The following OLA1 variants were observed in gnomAD, a reference collection of about 807,000 sequenced individuals.
OLA1 encodes the protein obg-like ATPase 1.
OLA1 carries 14 observed loss-of-function variants against 48.4 expected under a neutral mutation model. That is an observed-to-expected ratio of 0.29 (90% CI 0.19 to 0.45). The LOEUF is 0.45. OLA1 is among the 20% of genes least tolerant of loss of function. The pLI is 1.00. For missense variants in OLA1, 325 were observed against 467.1 expected (o/e 0.70, Z 2.80); for synonymous variants, 127 against 150.4 (o/e 0.84, Z 1.14).
intron 7 of OLA1, among the ~76,000 whole-genome samples, chr2:174,085,739 T>G (rs576719518): frequency 6.6e-6 from 1 of 152,354 alleles, no homozygotes; most frequent in African/African-American, 2.4e-5. Flanking sequence ...TTGTTTATAT[T>G]TCTTTTCCCA....
chr2:174,241,572 G>C (rs1211784160), intron 2 of OLA1, among the ~76,000 whole-genome samples: 2 of 152,200 alleles, frequency 1.3e-5, no homozygotes, highest in African/African-American at 4.8e-5. Context: ...CAGTTTGTGA[G>C]TGTTTGAACA....
intron 4 of OLA1, among the ~76,000 whole-genome samples, chr2:174,161,517 T>G (rs746910858): frequency 2.0e-5 from 3 of 152,100 alleles, no homozygotes; most frequent in Non-Finnish European, 2.9e-5. Context: ...CGCCTATAAT[T>G]AGCCAGGTAT....
intron 4 of OLA1, among the ~76,000 whole-genome samples, chr2:174,167,896 T>C (rs1355893778): frequency 1.3e-5 from 2 of 152,166 alleles, no homozygotes; most frequent in Admixed American, 6.5e-5. Flanking sequence ...TCATTTTCAA[T>C]AATGACATAG....
intron 4 of OLA1, among the ~76,000 whole-genome samples, chr2:174,182,997 T>C (rs1384156694): frequency 1.3e-5 from 2 of 152,176 alleles, no homozygotes; most frequent in Non-Finnish European, 2.9e-5. Flanking sequence ...CCTCAGCTAA[T>C]AAAATGTTAA....
rs149583159 is a variant in OLA1, at chr2:174,170,706, G to A, written c.374-28706C>T. Among the ~76,000 whole-genome samples the A allele has an allele frequency of 2.5e-3, 375 of 152,208 alleles. 3 individuals carry two copies. The highest frequency in any genetic ancestry group is 4.0e-3 in the Non-Finnish European group (275 of 67,996). On this transcript the variant is annotated intron_variant, in intron 4 of 10. Coordinates refer to ENST00000284719, the MANE Select transcript of OLA1 (RefSeq NM_013341.5). ...TGAGGCCAGGAGTTCAAGATCAGCC[G>A]AGGCAACATAGCAAGATCCCATTTC...
chr2:174,194,765 G>A lies in OLA1; in HGVS notation c.373+28268C>T, dbSNP rs1000077388. On this transcript the variant is annotated intron_variant, in intron 4 of 10. Coordinates refer to ENST00000284719, the MANE Select transcript of OLA1 (RefSeq NM_013341.5). The stretch of plus-strand genomic sequence containing the variant: ...GAAAGAAGAGCCAATTTCTTCTTTC[G>A]ATTGCACCCTTTAGTGAAAATTAAC... 3.9e-5 allele frequency among the ~76,000 whole-genome samples: 6 copies of A among 151,972 alleles called. 1 individual carries two copies. Among genetic ancestry groups the A allele is most frequent in the African/African-American group, 1.5e-4 (6 of 41,360 alleles).
intron 4 of OLA1, among the ~76,000 whole-genome samples, chr2:174,153,935 C>A (rs1043076594): frequency 2.6e-5 from 4 of 152,146 alleles, no homozygotes; most frequent in East Asian, 1.9e-4. Context: ...GGCACAATCA[C>A]GACTCATTGC....
At chr2:174,213,687 A>T (rs1454472015) in intron 4 of OLA1, among the ~76,000 whole-genome samples, 2 of 152,206 alleles carry the variant, frequency 1.3e-5, no homozygotes, top group Non-Finnish European at 1.5e-5. Context: ...GTATGTATGA[A>T]TTTAAAAAGA....
chr2:174,128,922 T>A lies in OLA1; in HGVS notation c.550-5247A>T, dbSNP rs1324813564. On this transcript the variant is annotated intron_variant, in intron 5 of 10. Transcript: ENST00000284719. ...TATACTGCTAAGTGAGAACAGCAGGTTTAGAACAATGGAATATGGTTAAGA... is the reference window on the plus strand; with the variant it reads ...TATACTGCTAAGTGAGAACAGCAGGATTAGAACAATGGAATATGGTTAAGA... 2.0e-5 allele frequency among the ~76,000 whole-genome samples: 3 copies of A among 152,224 alleles called. No homozygotes were observed. The East Asian group carries it at 5.8e-4, about 29-fold the overall frequency.
At chr2:174,097,214 G>A (rs1026888031) in intron 7 of OLA1, among the ~76,000 whole-genome samples, 1 of 152,074 alleles carries the variant, frequency 6.6e-6, no homozygotes. Context: ...GAGAAGTCTT[G>A]CCTAACTGAA....
chr2:174,244,769 C>T (rs1036811333), intron 2 of OLA1, among the ~76,000 whole-genome samples: 12 of 151,990 alleles, frequency 7.9e-5, no homozygotes, highest in African/African-American at 2.9e-4. Context: ...GAATTACAGG[C>T]TCCTGCCACC....
intron 7 of OLA1, among the ~76,000 whole-genome samples, chr2:174,122,175 A>G (rs1055916746): frequency 4.6e-5 from 7 of 152,226 alleles, no homozygotes; most frequent in Non-Finnish European, 8.8e-5. Flanking sequence ...GGCTAAATTC[A>G]TCTTCCTATC....
In OLA1 at chr2:174,102,471, T is replaced by A. The variant is rs536651197; in HGVS notation, c.729-20407A>T. 2.6e-5 allele frequency among the ~76,000 whole-genome samples: 4 copies of A among 151,582 alleles called. No individual in the cohort carries two copies. The South Asian group carries it at 8.3e-4, about 32-fold the overall frequency. ...AAAAGCCAAGCAGAAGAGGGTGTCA[T>A]GAAGTTTCTAAGTTTGGTTTATTCT... On this transcript the variant is annotated intron_variant, in intron 7 of 10. Coordinates refer to ENST00000284719, the MANE Select transcript of OLA1 (RefSeq NM_013341.5).
chr2:174,189,287 A>G (rs2105421201), intron 4 of OLA1, among the ~76,000 whole-genome samples: 1 of 152,266 alleles, frequency 6.6e-6, no homozygotes, highest in East Asian at 1.9e-4. Flanking sequence ...GTTGAGGAAA[A>G]CCTTTCTGAT....
chr2:174,205,889 A>T (rs946436844), intron 4 of OLA1, among the ~76,000 whole-genome samples: 9 of 152,176 alleles, frequency 5.9e-5, no homozygotes, highest in Non-Finnish European at 1.3e-4. Flanking sequence ...CAGTCCTGCA[A>T]CACAGCCTAC....
chr2:174,198,033 G>A (rs1203136250), intron 4 of OLA1, among the ~76,000 whole-genome samples: 2 of 152,126 alleles, frequency 1.3e-5, no homozygotes, highest in African/African-American at 2.4e-5. Flanking sequence ...GCATGATCTC[G>A]GCTCACTGCA....
intron 7 of OLA1, among the ~76,000 whole-genome samples, chr2:174,101,287 C>T (rs1685391881): frequency 6.6e-6 from 1 of 152,146 alleles, no homozygotes; most frequent in Non-Finnish European, 1.5e-5. Context: ...GAGTACTTTT[C>T]CATGTTTATT....
At chr2:174,227,611 T>C (rs1574566015) in intron 3 of OLA1, among the ~76,000 whole-genome samples, 1 of 152,176 alleles carries the variant, frequency 6.6e-6, no homozygotes, top group East Asian at 1.9e-4. Context: ...AATAAAAAGG[T>C]TTTAGAAAGG....
At chr2:174,223,007 A>T in intron 4 of OLA1, 26 bp downstream of exon 4, 1 of 1,584,364 alleles carries the variant, frequency 6.3e-7, no homozygotes, top group Non-Finnish European at 8.6e-7. Flanking sequence ...AATGAAATCA[A>T]TGATTAAATA....
Sources: gnomAD v4.1 joint callset for allele counts (sites outside exome capture counted in the v4.1 genomes callset) on GRCh38, gnomAD v4.1.1 for gene constraint, MANE v1.5 for transcripts, NCBI Gene and HGNC (gene_info 2026-07-23, HGNC 2026-07-21) for gene names.